The following CDH13 variants were observed in gnomAD, a reference collection of about 807,000 sequenced individuals.
CDH13 encodes the protein cadherin 13.
CDH13 carries 24 observed loss-of-function variants against 63.8 expected under a neutral mutation model. The ratio of observed to expected loss-of-function variants is 0.38; its 90% CI spans 0.27 to 0.53. CDH13 has a LOEUF of 0.53. Ranked by LOEUF, CDH13 falls within the 20% of genes least tolerant of loss-of-function variation. CDH13 has a pLI of 0.85. For missense variants in CDH13, 1,049 were observed against 903.1 expected, an observed-to-expected ratio of 1.16 and a Z score of -2.07; for synonymous variants, 503 against 355.3, an observed-to-expected ratio of 1.42 and a Z score of -4.67.
chr16:83,431,194 C>T (rs12933911), intron 6 of CDH13, among the ~76,000 whole-genome samples: 6,508 of 151,870 alleles, frequency 0.043, 193 homozygotes, highest in Middle Eastern at 0.082. Flanking sequence ...ATATGTGCCA[C>T]ATTTTCTTAA....
intron 6 of CDH13, among the ~76,000 whole-genome samples, chr16:83,419,072 G>A (rs999539339): frequency 2.6e-5 from 4 of 152,082 alleles, no homozygotes; most frequent in Admixed American, 2.6e-4. Context: ...TGAAGTAAGG[G>A]GGAATAGGGG....
At chr16:83,617,722 TATA>T (rs1383197428) in intron 8 of CDH13, among the ~76,000 whole-genome samples, 2 of 151,680 alleles carry the variant, frequency 1.3e-5, no homozygotes, top group East Asian at 1.9e-4. Context: ...TATTCTAATA[TATA>T]ATATCTATTC....
intron 4 of CDH13, among the ~76,000 whole-genome samples, chr16:83,172,457 C>G (rs1481065748): frequency 6.6e-6 from 1 of 151,988 alleles, no homozygotes; most frequent in Non-Finnish European, 1.5e-5. Context: ...CGCCATTGCA[C>G]TTCAGCCTAG....
intron 6 of CDH13, among the ~76,000 whole-genome samples, chr16:83,369,863 A>T (rs964425037): frequency 2.0e-5 from 3 of 152,194 alleles, no homozygotes; most frequent in East Asian, 3.9e-4. Context: ...TTCATGACAC[A>T]TATGTAGCAT....
intron 6 of CDH13, among the ~76,000 whole-genome samples, chr16:83,359,938 C>T (rs972419286): frequency 6.6e-6 from 1 of 152,178 alleles, no homozygotes; most frequent in Non-Finnish European, 1.5e-5. Context: ...AGCCATTAGA[C>T]GTCGTTCCTT....
In CDH13 at chr16:83,423,839, A is replaced by T. The variant is rs947200170; in HGVS notation, c.782-62638A>T. 6.6e-5 allele frequency among the ~76,000 whole-genome samples: 10 copies of T among 152,242 alleles called. 1 individual carries two copies. Among genetic ancestry groups the T allele is most frequent in the Non-Finnish European group, 1.3e-4 (9 of 68,038 alleles). ...CCTGCCAATCTTTGGAACTTCAGAG[A>T]ATGCCAGAGTTGTGGGGAAAGATAA... On this transcript the variant is annotated intron_variant, in intron 6 of 13. Coordinates refer to ENST00000567109, the MANE Select transcript of CDH13 (RefSeq NM_001257.5).
At chr16:83,012,135 C>G (rs1160524502) in intron 2 of CDH13, among the ~76,000 whole-genome samples, 2 of 152,070 alleles carry the variant, frequency 1.3e-5, no homozygotes, top group Admixed American at 6.5e-5. Context: ...AGAAAACTAT[C>G]CAAGAATAAC....
At position 82,774,640 on chromosome 16, in the gene CDH13, A is replaced by T. The variant is rs530663609; in HGVS notation, c.46-83722A>T. Among the ~76,000 whole-genome samples, 3 of 152,340 alleles carry T rather than the reference A, an allele frequency of 2.0e-5. No individual in the cohort carries two copies. In the East Asian group the frequency reaches 5.8e-4, roughly 29 times the overall value. Reference sequence around the variant, plus strand: ...TATCTGACATAACTTAATTCTTACCATCACCCTGTGTTAAAGTTATGGTGT... The same window carrying T: ...TATCTGACATAACTTAATTCTTACCTTCACCCTGTGTTAAAGTTATGGTGT... On this transcript the variant is annotated intron_variant, in intron 1 of 13. Transcript: ENST00000567109.
At chr16:83,588,035 G>A (rs529589800) in intron 7 of CDH13, among the ~76,000 whole-genome samples, 11 of 150,322 alleles carry the variant, frequency 7.3e-5, no homozygotes, top group South Asian at 6.3e-4. Flanking sequence ...CTTCCATCCC[G>A]TACACCTGGA....
intron 1 of CDH13, among the ~76,000 whole-genome samples, chr16:82,784,311 T>C (rs1323824517): frequency 6.6e-6 from 1 of 152,198 alleles, no homozygotes; most frequent in Non-Finnish European, 1.5e-5. Flanking sequence ...CGGCGCAGCA[T>C]GTGGGAGAGG....
chr16:83,526,780 G>T (rs1452328502), intron 7 of CDH13, among the ~76,000 whole-genome samples: 1 of 152,180 alleles, frequency 6.6e-6, no homozygotes, highest in Non-Finnish European at 1.5e-5. Context: ...GTCCCAGTTT[G>T]GGAACAGTGA....
intron 6 of CDH13, among the ~76,000 whole-genome samples, chr16:83,476,712 A>C: frequency 6.6e-6 from 1 of 152,212 alleles, no homozygotes; most frequent in East Asian, 1.9e-4. Context: ...CAAACAAAAA[A>C]AACCACACCG....
rs149839125 is a variant in CDH13, at chr16:83,158,273, G to T, written c.483+32772G>T. Among the ~76,000 whole-genome samples, 6 of 152,232 alleles carry T rather than the reference G, an allele frequency of 3.9e-5. No homozygotes were observed. In the East Asian group the frequency reaches 1.2e-3, roughly 29 times the overall value. ...TGTTCTTCGCTTTCTCCTTCAACAA[G>T]ATTGTTTCCTGCTCCCTCCCCACCC... On this transcript the variant is annotated intron_variant, in intron 4 of 13. Coordinates refer to ENST00000567109, the MANE Select transcript of CDH13 (RefSeq NM_001257.5).
chr16:83,289,214 A>G (rs180748093), intron 5 of CDH13, among the ~76,000 whole-genome samples: 1 of 152,220 alleles, frequency 6.6e-6, no homozygotes, highest in Non-Finnish European at 1.5e-5. Flanking sequence ...TTGTCAGGAA[A>G]TGAACAGTAC....
intron 1 of CDH13, among the ~76,000 whole-genome samples, chr16:82,780,927 G>T (rs2035724442): frequency 2.0e-5 from 3 of 152,196 alleles, no homozygotes; most frequent in African/African-American, 4.8e-5. Context: ...CTTGTTTTCT[G>T]ACTGGACTGG....
At chr16:83,593,308 C>T (rs7187226) in intron 7 of CDH13, among the ~76,000 whole-genome samples, 112,412 of 152,070 alleles carry the variant, frequency 0.74, 41,663 homozygotes, top group Middle Eastern at 0.79. Flanking sequence ...AAGGGATTTG[C>T]TAACAAAAAT....
intron 2 of CDH13, among the ~76,000 whole-genome samples, chr16:82,967,619 T>A (rs1375776599): frequency 6.6e-6 from 1 of 152,114 alleles, no homozygotes; most frequent in East Asian, 1.9e-4. Flanking sequence ...CCTACTGGAG[T>A]GATGGCAAGG....
At chr16:82,791,258 A>C (rs1051848949) in intron 1 of CDH13, among the ~76,000 whole-genome samples, 1 of 133,638 alleles carries the variant, frequency 7.5e-6, no homozygotes, top group Admixed American at 7.5e-5. Context: ...AAAAAAAAAA[A>C]ATTCCTAAGC....
intron 5 of CDH13, among the ~76,000 whole-genome samples, chr16:83,330,987 C>T (rs964357305): frequency 2.6e-5 from 4 of 152,124 alleles, no homozygotes; most frequent in Non-Finnish European, 5.9e-5. Context: ...TTAATGATTG[C>T]TATGTGGCAA....
Sources: allele counts gnomAD v4.1 joint callset (sites outside exome capture counted in the v4.1 genomes callset), GRCh38; gene constraint gnomAD v4.1.1; transcripts MANE v1.5; gene names NCBI Gene and HGNC (gene_info 2026-07-23, HGNC 2026-07-21).